Variants in MCU observed in about 807,000 individuals in gnomAD.
The protein encoded by MCU is calcium uniporter protein, mitochondrial.
In MCU, 12 loss-of-function variants were observed where a neutral mutation model predicts 45.2. That is an observed-to-expected ratio of 0.27 (90% CI 0.17 to 0.43). The LOEUF is 0.43. Ranked by LOEUF, MCU falls within the 20% of genes least tolerant of loss-of-function variation. The probability of loss-of-function intolerance (pLI) is 1.00; values close to 1 mark genes in which losing one functional copy is unlikely to be tolerated. For missense variants in MCU, 324 were observed against 436.7 expected, an observed-to-expected ratio of 0.74 and a Z score of 2.30; for synonymous variants, 160 against 165.1, an observed-to-expected ratio of 0.97 and a Z score of 0.24.
At chr10:72,745,057 T>C (rs1843394829) in intron 1 of MCU, among the ~76,000 whole-genome samples, 1 of 152,106 alleles carries the variant, frequency 6.6e-6, no homozygotes, top group African/African-American at 2.4e-5. Flanking sequence ...TATAAAATTG[T>C]TTTTGGGTTA....
chr10:72,734,498 A>G (rs1440411157), intron 1 of MCU, among the ~76,000 whole-genome samples: 3 of 152,228 alleles, frequency 2.0e-5, no homozygotes, highest in African/African-American at 7.2e-5. Flanking sequence ...TGTGGCTCAC[A>G]TATTCCGTTG....
At chr10:72,787,822 G>A (rs186874080) in intron 1 of MCU, among the ~76,000 whole-genome samples, 19 of 151,356 alleles carry the variant, frequency 1.3e-4, no homozygotes, top group African/African-American at 4.4e-4. Context: ...AGGTTCAAGC[G>A]ATTCTCCTGC....
chr10:72,876,025 G>GA (rs1214043365), intron 6 of MCU, among the ~76,000 whole-genome samples: 3 of 152,030 alleles, frequency 2.0e-5, no homozygotes, highest in African/African-American at 4.8e-5. Flanking sequence ...GAGTAATCAG[G>GA]AAAAAAATGC....
At chr10:72,824,952 C>A (rs755813267) in intron 1 of MCU, among the ~76,000 whole-genome samples, 1 of 152,086 alleles carries the variant, frequency 6.6e-6, no homozygotes, top group Non-Finnish European at 1.5e-5. Context: ...ATTTCTTTCC[C>A]CCTTTTTATT....
At chr10:72,768,381 A>T (rs1843757925) in intron 1 of MCU, among the ~76,000 whole-genome samples, 1 of 152,232 alleles carries the variant, frequency 6.6e-6, no homozygotes, top group Admixed American at 6.5e-5. Context: ...TTTTAAAAAC[A>T]TTTATATAAT....
chr10:72,806,824 T>C (rs1844459818), intron 1 of MCU, among the ~76,000 whole-genome samples: 1 of 152,178 alleles, frequency 6.6e-6, no homozygotes, highest in African/African-American at 2.4e-5. Flanking sequence ...GCAAAAAGAA[T>C]CTATGGAAGG....
At chr10:72,777,069 A>G (rs7089555) in intron 1 of MCU, among the ~76,000 whole-genome samples, 9,026 of 152,258 alleles carry the variant, frequency 0.059, 899 homozygotes, top group African/African-American at 0.21. Flanking sequence ...AAAAAAGCAG[A>G]AAGATATTCC....
chr10:72,854,209 A>G (rs910167408), intron 2 of MCU, among the ~76,000 whole-genome samples: 3 of 152,018 alleles, frequency 2.0e-5, no homozygotes, highest in African/African-American at 7.2e-5. Context: ...GGGAGTATCC[A>G]GTGAGCCCAG....
At chr10:72,840,204 A>G (rs1845027662) in intron 2 of MCU, among the ~76,000 whole-genome samples, 1 of 152,220 alleles carries the variant, frequency 6.6e-6, no homozygotes, top group Admixed American at 6.5e-5. Context: ...ACTTTGGTAC[A>G]ATCAATCTTG....
intron 1 of MCU, among the ~76,000 whole-genome samples, chr10:72,737,413 A>G (rs375698465): frequency 6.6e-6 from 1 of 152,216 alleles, no homozygotes; most frequent in African/African-American, 2.4e-5. Context: ...CATATAGTCT[A>G]GTTGTATTGG....
chr10:72,886,495 G>C lies in MCU; in HGVS notation c.*673G>C, dbSNP rs926645551. Reference sequence around the variant, plus strand: ...ATATATCCCAGTGCTCTGGATCAGTGTCTAAAAATCACTGGCAACACTGCA... The same window carrying C: ...ATATATCCCAGTGCTCTGGATCAGTCTCTAAAAATCACTGGCAACACTGCA... On this transcript the variant is annotated 3_prime_UTR_variant, in exon 8 of 8. Coordinates refer to ENST00000373053, the MANE Select transcript of MCU (RefSeq NM_138357.3). The C allele has an allele frequency of 3.3e-5, 5 of 152,328 alleles. No homozygotes were observed. The highest frequency in any genetic ancestry group is 1.2e-4 in the African/African-American group (5 of 41,430). The allele number at this position is 152,328 out of a possible 1,614,324, so 9.4% of individuals were successfully genotyped here.
In MCU at chr10:72,798,156, T is replaced by C. The variant is rs528452337; in HGVS notation, c.151-36203T>C. Among the ~76,000 whole-genome samples, 4 of 152,268 alleles carry C rather than the reference T, an allele frequency of 2.6e-5. No homozygotes were observed. The South Asian group carries it at 8.3e-4, about 32-fold the overall frequency. On this transcript the variant is annotated intron_variant, in intron 1 of 7. Transcript: ENST00000373053. ...AAATGCATAAGGAAAAATGTGCCTA[T>C]AATGCATACAAAGAAAATAAAACTG... is the stretch of plus-strand genomic sequence containing the variant.
chr10:72,799,990 C>T (rs1412019456), intron 1 of MCU, among the ~76,000 whole-genome samples: 1 of 152,116 alleles, frequency 6.6e-6, no homozygotes, highest in Admixed American at 6.6e-5. Flanking sequence ...TTCAAAAATC[C>T]AAAATCTGAA....
chr10:72,692,622 C>G, intron 1 of MCU: 1 of 1,103,072 alleles, frequency 9.1e-7, no homozygotes, highest in South Asian at 4.1e-5. Flanking sequence ...CTCCCTTCTT[C>G]GTTCTTAACA....
chr10:72,692,607 G>A, intron 1 of MCU: 1 of 1,099,276 alleles, frequency 9.1e-7, no homozygotes, highest in East Asian at 6.0e-5. Flanking sequence ...CCCCAATCGC[G>A]TTCCCTCCCT....
At chr10:72,777,173 G>A (rs568886415) in intron 1 of MCU, among the ~76,000 whole-genome samples, 1 of 152,214 alleles carries the variant, frequency 6.6e-6, no homozygotes, top group South Asian at 2.1e-4. Flanking sequence ...AAATACCAAT[G>A]ATATCCTTCA....
intron 1 of MCU, among the ~76,000 whole-genome samples, chr10:72,767,480 T>C (rs1390581679): frequency 1.3e-5 from 2 of 152,128 alleles, no homozygotes; most frequent in Admixed American, 6.6e-5. Flanking sequence ...TTCAGCTCTT[T>C]TGTATTTAAT....
chr10:72,714,345 C>CTTTTTTTTTTTTTTTTTTGTTTTTTTT (rs1842932334), intron 1 of MCU, among the ~76,000 whole-genome samples: 1 of 54,768 alleles, frequency 1.8e-5, no homozygotes, highest in African/African-American at 6.4e-5. Flanking sequence ...CCGCCCTGGT[C>CTTTTTTTTTTTTTTTTTTGTTTTTTTT]TTTTTTTTTT....
chr10:72,827,054 A>G (rs1844808962), intron 1 of MCU, among the ~76,000 whole-genome samples: 1 of 152,200 alleles, frequency 6.6e-6, no homozygotes, highest in Non-Finnish European at 1.5e-5. Flanking sequence ...ATAGTTTGGT[A>G]CTGTCAGTGG....
Sources: gnomAD v4.1 joint callset for allele counts (sites outside exome capture counted in the v4.1 genomes callset) on GRCh38, gnomAD v4.1.1 for gene constraint, MANE v1.5 for transcripts, NCBI Gene and HGNC (gene_info 2026-07-23, HGNC 2026-07-21) for gene names.